Variants in SPMIP4 observed in about 807,000 individuals in gnomAD.
SPMIP4 encodes the protein sperm-associated microtubule inner protein 4.
the SPMIP4 span, among the ~76,000 whole-genome samples, chr7:25,163,245 T>C: frequency 2.0e-5 from 3 of 152,364 alleles, no homozygotes; most frequent in South Asian, 4.1e-4. This position sits in a 1 kb window ranked among gnomAD's most constrained non-coding sequence, Gnocchi z 4.4. Flanking sequence ...ATTGAAAATA[T>C]AGTGTCATTT....
chr7:25,136,230 T>G, the SPMIP4 span: 2 of 1,614,180 alleles, frequency 1.2e-6, no homozygotes, highest in Non-Finnish European at 1.7e-6. The surrounding 1 kb of genome is among the most constrained non-coding windows in gnomAD (Gnocchi z 5.7). Flanking sequence ...CTGGCTTACT[T>G]AAAAAATGTT....
the SPMIP4 span, among the ~76,000 whole-genome samples, chr7:25,149,907 G>C: frequency 6.6e-6 from 1 of 152,166 alleles, no homozygotes; most frequent in Non-Finnish European, 1.5e-5. Flanking sequence ...ACAGTAAATG[G>C]CAACAGAGGA....
At chr7:25,133,711 A>T in the SPMIP4 span, among the ~76,000 whole-genome samples, 1 of 152,206 alleles carries the variant, frequency 6.6e-6, no homozygotes, top group East Asian at 1.9e-4. Flanking sequence ...TTGGAAGTAT[A>T]ATAGAATGTT....
chr7:25,161,397 TTTA>T, the SPMIP4 span: 1 of 430,508 alleles, frequency 2.3e-6, no homozygotes, highest in Non-Finnish European at 4.1e-6. Context: ...TGTCATTTTA[TTTA>T]TTATTATTTT....
the SPMIP4 span, among the ~76,000 whole-genome samples, chr7:25,173,376 T>C: frequency 1.3e-5 from 2 of 152,214 alleles, no homozygotes; most frequent in African/African-American, 4.8e-5. The surrounding 1 kb of genome is among the most constrained non-coding windows in gnomAD (Gnocchi z 4.4). Context: ...CAAAAGTCTA[T>C]TGGAATACAG....
the SPMIP4 span, chr7:25,180,330 C>T: frequency 1.3e-5 from 2 of 152,408 alleles, no homozygotes; most frequent in Non-Finnish European, 2.9e-5. Flanking sequence ...GTGCGAGGCG[C>T]CGGGTCGGAG....
At chr7:25,160,726 T>C in the SPMIP4 span, among the ~76,000 whole-genome samples, 19 of 152,364 alleles carry the variant, frequency 1.2e-4, no homozygotes, top group Admixed American at 9.1e-4. Flanking sequence ...TTAACAAGTA[T>C]GCCTTACGTT....
chr7:25,176,846 G>T, the SPMIP4 span, among the ~76,000 whole-genome samples: 7 of 152,212 alleles, frequency 4.6e-5, no homozygotes. The surrounding 1 kb of genome is among the most constrained non-coding windows in gnomAD (Gnocchi z 4.4). Context: ...TTAGTATAAA[G>T]AGCATGTTTG....
At chr7:25,129,624 T>G in the SPMIP4 span, among the ~76,000 whole-genome samples, 1 of 152,160 alleles carries the variant, frequency 6.6e-6, no homozygotes, top group African/African-American at 2.4e-5. Flanking sequence ...TTGGTTCTTA[T>G]GAAGGTTCTT....
chr7:25,136,804 G>A, the SPMIP4 span: 1 of 1,594,856 alleles, frequency 6.3e-7, no homozygotes, highest in Non-Finnish European at 8.5e-7. This position sits in a 1 kb window ranked among gnomAD's most constrained non-coding sequence, Gnocchi z 5.7. Context: ...CTGTAGTTGT[G>A]GGATAAAAAG....
At chr7:25,163,808 A>C in the SPMIP4 span, among the ~76,000 whole-genome samples, 1 of 152,226 alleles carries the variant, frequency 6.6e-6, no homozygotes, top group South Asian at 2.1e-4. This position sits in a 1 kb window ranked among gnomAD's most constrained non-coding sequence, Gnocchi z 4.4. Flanking sequence ...ACACTTCTTC[A>C]AAATAGGGAT....
the SPMIP4 span, chr7:25,136,151 C>T: frequency 1.1e-5 from 17 of 1,614,158 alleles, 1 homozygote; most frequent in Admixed American, 2.5e-4. This position sits in a 1 kb window ranked among gnomAD's most constrained non-coding sequence, Gnocchi z 5.7. Flanking sequence ...GTCACTCCAG[C>T]TCTAGGAATC....
At chr7:25,159,830 A>G in the SPMIP4 span, among the ~76,000 whole-genome samples, 165 of 152,320 alleles carry the variant, frequency 1.1e-3, no homozygotes, top group Non-Finnish European at 2.0e-3. Flanking sequence ...GAAGTGATGA[A>G]TATATGAATC....
the SPMIP4 span, among the ~76,000 whole-genome samples, chr7:25,144,034 G>A: frequency 1.3e-5 from 2 of 152,192 alleles, no homozygotes; most frequent in Non-Finnish European, 2.9e-5. Flanking sequence ...GGCCTTGAAT[G>A]ATGTGCAGAG....
chr7:25,150,380 C>T, the SPMIP4 span, among the ~76,000 whole-genome samples: 8 of 152,078 alleles, frequency 5.3e-5, no homozygotes, highest in South Asian at 2.1e-4. Flanking sequence ...ACAGACGCTT[C>T]GTTAGGACTT....
At chr7:25,157,741 G>A in the SPMIP4 span, among the ~76,000 whole-genome samples, 1,816 of 152,276 alleles carry the variant, frequency 0.012, 40 homozygotes, top group African/African-American at 0.041. Context: ...TGAATGTAAT[G>A]CGGTACTCTG....
chr7:25,156,329 G>A, the SPMIP4 span, among the ~76,000 whole-genome samples: 2 of 151,974 alleles, frequency 1.3e-5, no homozygotes, highest in Non-Finnish European at 2.9e-5. Context: ...TCAGACTTCC[G>A]GCCTCCCACC....
At chr7:25,159,334 G>A in the SPMIP4 span, among the ~76,000 whole-genome samples, 1 of 152,150 alleles carries the variant, frequency 6.6e-6, no homozygotes, top group Non-Finnish European at 1.5e-5. Context: ...CCAAGTTCCT[G>A]GAAGCATGCC....
At chr7:25,127,962 A>G in the SPMIP4 span, among the ~76,000 whole-genome samples, 1 of 152,180 alleles carries the variant, frequency 6.6e-6, no homozygotes, top group African/African-American at 2.4e-5. Flanking sequence ...GCAGACTTGT[A>G]GGGGTATGAC....
Sources: allele counts gnomAD v4.1 joint callset (sites outside exome capture counted in the v4.1 genomes callset), GRCh38; gene constraint gnomAD v4.1.1; non-coding constraint Gnocchi (gnomAD v3.1); transcripts MANE v1.5; gene names NCBI Gene and HGNC (gene_info 2026-07-23, HGNC 2026-07-21).